The following TNRC6A variants were observed in gnomAD, a reference collection of about 807,000 sequenced individuals.
TNRC6A encodes trinucleotide repeat-containing gene 6A protein.
Under a neutral mutation model 221.2 loss-of-function variants are expected in TNRC6A, and 44 were observed. The observed-to-expected ratio is 0.20, with a 90% confidence interval of 0.16 to 0.26. The LOEUF is 0.26. Ranked by LOEUF, TNRC6A falls within the 10% of genes least tolerant of loss-of-function variation. The probability of loss-of-function intolerance (pLI) is 1.00; values close to 1 mark genes in which losing one functional copy is unlikely to be tolerated. For missense variants in TNRC6A, 2,199 were observed against 2,404.4 expected, an observed-to-expected ratio of 0.91 and a Z score of 1.79; for synonymous variants, 847 against 838.5, an observed-to-expected ratio of 1.01 and a Z score of -0.18.
intron 1 of TNRC6A, among the ~76,000 whole-genome samples, chr16:24,632,706 C>T (rs1356100846): frequency 6.6e-6 from 1 of 152,010 alleles, no homozygotes; most frequent in African/African-American, 2.4e-5. Context: ...GAGTTGTCTT[C>T]ACATTAAAAA....
intron 11 of TNRC6A, among the ~76,000 whole-genome samples, chr16:24,801,285 A>C (rs932170163): frequency 6.6e-6 from 1 of 152,196 alleles, no homozygotes; most frequent in Non-Finnish European, 1.5e-5. Context: ...GAGTGATCCT[A>C]AGCAGAAGTG....
intron 2 of TNRC6A, among the ~76,000 whole-genome samples, chr16:24,706,507 C>G (rs1400192947): frequency 6.6e-6 from 1 of 151,864 alleles, no homozygotes; most frequent in African/African-American, 2.4e-5. Context: ...GTCAGGAGAT[C>G]GAGACTATCC....
Position 24,721,328 on chromosome 16 carries a change from A to G in TNRC6A, n.403-29398A>G, listed in dbSNP as rs542781336. Among the ~76,000 whole-genome samples, 3 of 152,264 alleles carry G rather than the reference A, an allele frequency of 2.0e-5. No individual in the cohort carries two copies. In the East Asian group the frequency reaches 5.8e-4, roughly 29 times the overall value. On this transcript the variant is annotated intron_variant and non_coding_transcript_variant, in intron 2 of 2. Transcript: ENST00000566108. ...CTTGTACAAAAACTGTTCATACCAG[A>G]TTTACTCATAATAGCCCCAAACTGG...
At chr16:24,715,719 G>C (rs2056301264) in intron 2 of TNRC6A, among the ~76,000 whole-genome samples, 1 of 150,482 alleles carries the variant, frequency 6.6e-6, no homozygotes, top group Non-Finnish European at 1.5e-5. Flanking sequence ...CCAGATTCAA[G>C]TGATTCTTCT....
At chr16:24,765,225 T>C (rs2057448208) in intron 4 of TNRC6A, among the ~76,000 whole-genome samples, 1 of 152,118 alleles carries the variant, frequency 6.6e-6, no homozygotes, top group African/African-American at 2.4e-5. Context: ...TTCATAGGGG[T>C]TACTGTACTG....
At chr16:24,663,680 AT>A in intron 2 of TNRC6A, 1 of 329,778 alleles carries the variant, frequency 3.0e-6, no homozygotes, top group Non-Finnish European at 6.1e-6. Flanking sequence ...TCTCCCAGCA[AT>A]GATGTGTGAC....
intron 23 of TNRC6A, among the ~76,000 whole-genome samples, 179 bp from the exon 24 acceptor site, chr16:24,822,695 G>T (rs2058790042): frequency 6.6e-6 from 1 of 152,166 alleles, no homozygotes. Context: ...TCTGGGAGCA[G>T]TGGAGGTGGG....
At chr16:24,723,243 G>T (rs750474481) in intron 2 of TNRC6A, among the ~76,000 whole-genome samples, 10 of 152,122 alleles carry the variant, frequency 6.6e-5, no homozygotes, top group Non-Finnish European at 1.3e-4. Context: ...CCACTCCGCA[G>T]AGGGTTTGGG....
intron 2 of TNRC6A, among the ~76,000 whole-genome samples, chr16:24,685,923 G>A (rs2055617431): frequency 6.6e-6 from 1 of 152,164 alleles, no homozygotes; most frequent in Admixed American, 6.5e-5. Flanking sequence ...TCTTAGGTCT[G>A]GGCACAAAAT....
intron 1 of TNRC6A, among the ~76,000 whole-genome samples, chr16:24,638,064 C>T (rs774577339): frequency 1.3e-5 from 2 of 152,158 alleles, no homozygotes; most frequent in South Asian, 2.1e-4. Context: ...GCATTACAGG[C>T]GTGAGCCACC....
At chr16:24,778,399 G>C (rs2057771337) in intron 5 of TNRC6A, 1 of 985,262 alleles carries the variant, frequency 1.0e-6, no homozygotes, top group Non-Finnish European at 1.2e-6. Flanking sequence ...CCAAAGATAT[G>C]CTTGTAACCA....
At position 24,809,641 on chromosome 16, in the gene TNRC6A, AAG is replaced by A. The variant is rs199558902; in HGVS notation, c.4672+164_4672+165del. The A allele has an allele frequency of 1.2e-3, 1,032 of 863,004 alleles. 10 individuals are homozygous for A. In the African/African-American group the frequency reaches 0.015, roughly 13 times the overall value. The allele number at this position is 863,004 out of a possible 1,614,324, so 53.5% of individuals were successfully genotyped here. On this transcript the variant is annotated intron_variant, in intron 18 of 24. Coordinates refer to ENST00000395799, the MANE Select transcript of TNRC6A (RefSeq NM_014494.4). ...GTTGTTATTAAGTCTTAGTTACAAT[AAG>A]AGACTTTCAGATGAAAAGCAGAATT...
intron 1 of TNRC6A, among the ~76,000 whole-genome samples, chr16:24,627,749 G>A (rs954315325): frequency 2.2e-4 from 32 of 146,618 alleles, no homozygotes; most frequent in Admixed American, 3.5e-4. Context: ...CCAGGCTGGA[G>A]GGCAGTGGCG....
At chr16:24,788,299 G>A (rs183943671) in intron 5 of TNRC6A, among the ~76,000 whole-genome samples, 1 of 152,254 alleles carries the variant, frequency 6.6e-6, no homozygotes, top group Admixed American at 6.5e-5. Context: ...AATGTGGTTA[G>A]GAAGGTAAAT....
At chr16:24,791,889 C>T (rs1385937518) in intron 6 of TNRC6A, 72 bp downstream of exon 6, 18 of 1,401,942 alleles carry the variant, frequency 1.3e-5, no homozygotes, top group Admixed American at 6.5e-5. Context: ...TAACAAAGTA[C>T]TTGGATATGC....
At chr16:24,722,528 G>A (rs200540) in intron 2 of TNRC6A, among the ~76,000 whole-genome samples, 56,909 of 151,606 alleles carry the variant, frequency 0.38, 11,484 homozygotes, top group East Asian at 0.53. Context: ...CTCCACTCCC[G>A]GGTTCAAGTG....
At chr16:24,766,983 T>A (rs1391115370) in intron 4 of TNRC6A, among the ~76,000 whole-genome samples, 2 of 152,196 alleles carry the variant, frequency 1.3e-5, no homozygotes, top group Non-Finnish European at 2.9e-5. Context: ...GGCCACACTT[T>A]TTTCTTTTTA....
chr16:24,656,804 A>G (rs2054922140), intron 2 of TNRC6A, among the ~76,000 whole-genome samples: 1 of 152,308 alleles, frequency 6.6e-6, no homozygotes, highest in East Asian at 1.9e-4. Flanking sequence ...CAACCCTGTA[A>G]TCAGAGGCAA....
At chr16:24,628,716 C>T (rs1485694602) in intron 1 of TNRC6A, among the ~76,000 whole-genome samples, 1 of 152,162 alleles carries the variant, frequency 6.6e-6, no homozygotes, top group Admixed American at 6.6e-5. Flanking sequence ...TTATGCTATC[C>T]ATAAGGCTTG....
Sources: gnomAD v4.1 joint callset for allele counts (sites outside exome capture counted in the v4.1 genomes callset) on GRCh38, gnomAD v4.1.1 for gene constraint, MANE v1.5 for transcripts, NCBI Gene and HGNC (gene_info 2026-07-23, HGNC 2026-07-21) for gene names.